The following ITGA3 variants were observed in gnomAD, a reference collection of about 807,000 sequenced individuals.
ITGA3 encodes integrin alpha-3.
In ITGA3, 70 loss-of-function variants were observed where a neutral mutation model predicts 131.1. The observed-to-expected ratio is 0.53, with a 90% CI of 0.44 to 0.65. The LOEUF is 0.65. Ranked by LOEUF, ITGA3 falls within the 30% of genes least tolerant of loss-of-function variation. ITGA3 has a pLI of 0.00. For synonymous variants in ITGA3, 537 were observed against 571.6 expected, an observed-to-expected ratio of 0.94 and a Z score of 0.86; for missense variants, 1,098 against 1,388.6, an observed-to-expected ratio of 0.79 and a Z score of 3.33.
Position 50,089,399 on chromosome 17 carries a change from C to A in ITGA3, c.*321C>A. 1.5e-6 allele frequency: 1 copy of A among 688,710 alleles called. No homozygotes were observed. The highest frequency in any genetic ancestry group is 2.5e-6 in the Non-Finnish European group (1 of 405,604). The allele number at this position is 688,710 out of a possible 1,614,324, so 42.7% of individuals were successfully genotyped here. On this transcript the variant is annotated 3_prime_UTR_variant, in exon 26 of 26. Coordinates refer to ENST00000320031, the MANE Select transcript of ITGA3 (RefSeq NM_002204.4). ...GCAGGCTCAGGCACATACACCTCGT[C>A]AAGAGCATGCACATGCTGTCTGGCC...
At position 50,068,243 on chromosome 17, in the gene ITGA3, C is replaced by G; in HGVS notation, c.602C>G (p.Thr201Ser). The change falls in exon 4 of 26, where the codon ACC (threonine) becomes AGC (serine). Residue 201 changes from threonine to serine, a missense_variant. This residue lies in a region of ITGA3 where 356 missense variants were observed against 529.2 expected (regional missense o/e 0.67). Transcript: ENST00000320031. ...GAGACGGGCATGTGCCAGCTGGGCA[C>G]CAGCGGTGGCTTCACCCAGAACACT... ...YLETGMCQLG[T>S]SGGFTQNTVY... The G allele has an allele frequency of 6.2e-7, 1 of 1,613,942 alleles. No homozygotes were observed. The highest frequency in any genetic ancestry group is 8.5e-7 in the Non-Finnish European group (1 of 1,180,028).
rs1907848594 is a variant in ITGA3, at chr17:50,056,788, G to A, written c.206+143G>A. 3.7e-6 allele frequency: 3 copies of A among 809,488 alleles called. No individual in the cohort carries two copies. The highest frequency in any genetic ancestry group is 1.8e-5 in the South Asian group (1 of 55,922). 50.1% of individuals were successfully genotyped at this position (809,488 alleles called of 1,614,324 possible). A position where few individuals can be genotyped will look rare whatever the true frequency, so the allele number is the denominator to read the frequency against. On this transcript the variant is annotated intron_variant, in intron 1 of 25. Transcript: ENST00000320031. This position sits in a 1 kb window ranked among gnomAD's most constrained non-coding sequence, Gnocchi z 5.6. ...GGCCCTCTGGCTGCTGGGGGTTGGC[G>A]GGAAGTGGAGGATTGGGTGTGGGGT...
chr17:50,087,596 G>A lies in ITGA3; in HGVS notation c.2920-148G>A, dbSNP rs1403112576. On this transcript the variant is annotated intron_variant, in intron 23 of 25. Transcript: ENST00000320031. ...AAGGACCACTGGACCTGCTGTCAGT[G>A]GGGCAGGCACAGGCTTTTTCCAGTC... 11 of 807,290 alleles carry A rather than the reference G, an allele frequency of 1.4e-5. No homozygotes were observed. In the East Asian group the frequency reaches 2.3e-4, roughly 17 times the overall value. The allele number at this position is 807,290 out of a possible 1,614,324, so 50.0% of individuals were successfully genotyped here.
At position 50,073,950 on chromosome 17, in the gene ITGA3, C is replaced by T; in HGVS notation, c.1191C>T (p.Gly397=). Residue 397 remains glycine (G), a synonymous_variant, in exon 8 of 26, where the codon GGC becomes GGT. Transcript: ENST00000320031. ...TGGGAGCTCCGTTTGAAGGCTTGGGCAAAGTGTACATCTATCACAGTAGCT... is the reference window on the plus strand; with the variant it reads ...TGGGAGCTCCGTTTGAAGGCTTGGGTAAAGTGTACATCTATCACAGTAGCT... The part of the protein sequence containing the change: ...IAVGAPFEGL[G]KVYIYHSSSK... 6.2e-7 allele frequency: 1 copy of T among 1,614,114 alleles called. No homozygotes were observed. Among genetic ancestry groups the T allele is most frequent in the Non-Finnish European group, 8.5e-7 (1 of 1,179,976 alleles).
In ITGA3 at chr17:50,078,195, T is replaced by C. The variant is rs773172331; in HGVS notation, c.2220-12T>C. On this transcript the variant is annotated splice_polypyrimidine_tract_variant and intron_variant, in intron 17 of 25. Transcript: ENST00000320031. ...TTGGATCACCTTCCTAACCCCTGCA[T>C]TTCCTCCCAAGGTCGAGTCACCAGG... 2.4e-5 allele frequency: 39 copies of C among 1,613,776 alleles called. No individual in the cohort carries two copies. In the South Asian group the frequency reaches 4.1e-4, roughly 17 times the overall value.
intron 4 of ITGA3, among the ~76,000 whole-genome samples, chr17:50,069,111 G>A (rs924677426): frequency 6.6e-6 from 1 of 152,006 alleles, no homozygotes; most frequent in African/African-American, 2.4e-5. Context: ...GTCTCCCAAA[G>A]TACTGGGATT....
chr17:50,064,632 C>T lies in ITGA3; in HGVS notation c.414+25C>T, dbSNP rs1429937403. The stretch of plus-strand genomic sequence containing the variant: ...GGTAAGTGGGTGCTCAGTGTTGGCT[C>T]CTCCACCTCTACCCGGCTCTCCCCT... On this transcript the variant is annotated intron_variant, in intron 3 of 25. Coordinates refer to ENST00000320031, the MANE Select transcript of ITGA3 (RefSeq NM_002204.4). This position sits in a 1 kb window ranked among gnomAD's most constrained non-coding sequence, Gnocchi z 4.4. The T allele has an allele frequency of 1.3e-6, 2 of 1,593,110 alleles. No homozygotes were observed. Among genetic ancestry groups the T allele is most frequent in the Non-Finnish European group, 1.7e-6 (2 of 1,166,738 alleles).
chr17:50,081,369 C>T lies in ITGA3; in HGVS notation c.2880C>T (p.Thr960=). 1 of 1,589,748 alleles carries T rather than the reference C, an allele frequency of 6.3e-7. No individual in the cohort carries two copies. The highest frequency in any genetic ancestry group is 8.6e-7 in the Non-Finnish European group (1 of 1,166,470). Reference sequence around the variant, plus strand: ...GCTGGGCTACCCTATTCCTCCGAACCAGCATCCCCACCATCAACATGGAGA... The same window carrying T: ...GCTGGGCTACCCTATTCCTCCGAACTAGCATCCCCACCATCAACATGGAGA... ...VNGWATLFLR[T]SIPTINMENK... The change falls in exon 23 of 26, where the codon ACC becomes ACT. Residue 960 remains threonine (T), a synonymous_variant. Coordinates refer to ENST00000320031, the MANE Select transcript of ITGA3 (RefSeq NM_002204.4).
chr17:50,085,727 T>A (rs945445669), intron 23 of ITGA3, among the ~76,000 whole-genome samples: 4 of 120,290 alleles, frequency 3.3e-5, no homozygotes, highest in Admixed American at 8.1e-5. Flanking sequence ...ATTTATAATA[T>A]ATATTAGATT....
Position 50,056,702 on chromosome 17 carries a change from C to G in ITGA3, c.206+57C>G. ...CGAGAGAGTGTGCGAGCGCGGGATG[C>G]GGGTCCGGAGCTGAGTCGGAGCCCA... is the stretch of plus-strand genomic sequence containing the variant. On this transcript the variant is annotated intron_variant, in intron 1 of 25. Transcript: ENST00000320031. This position sits in a 1 kb window ranked among gnomAD's most constrained non-coding sequence, Gnocchi z 5.6. 1 of 1,515,026 alleles carries G rather than the reference C, an allele frequency of 6.6e-7. No individual in the cohort carries two copies. Among genetic ancestry groups the G allele is most frequent in the Admixed American group, 1.9e-5 (1 of 51,572 alleles). 93.8% of individuals were successfully genotyped at this position (1,515,026 alleles called of 1,614,324 possible).
intron 16 of ITGA3, 125 bp downstream of exon 16, chr17:50,077,572 G>A (rs930003209): frequency 1.7e-5 from 13 of 754,974 alleles, no homozygotes; most frequent in Admixed American, 1.1e-4. Flanking sequence ...GCCACAGTGC[G>A]GGAGGAGAGA....
At chr17:50,071,618 G>C in intron 6 of ITGA3, 100 bp downstream of exon 6, 1 of 1,130,440 alleles carries the variant, frequency 8.8e-7, no homozygotes, top group South Asian at 1.5e-5. Flanking sequence ...CAGTTGTGCG[G>C]CTGTCTGCAT....
chr17:50,059,251 C>T (rs1567695423), intron 1 of ITGA3, among the ~76,000 whole-genome samples: 1 of 152,178 alleles, frequency 6.6e-6, no homozygotes, highest in South Asian at 2.1e-4. Context: ...AGGGACTGTT[C>T]TCTGGGAGGT....
In ITGA3 at chr17:50,078,122, C is replaced by A; in HGVS notation, c.2216C>A (p.Ser739Tyr). 1 of 1,613,646 alleles carries A rather than the reference C, an allele frequency of 6.2e-7. No individual in the cohort carries two copies. Among genetic ancestry groups the A allele is most frequent in the Non-Finnish European group, 8.5e-7 (1 of 1,179,618 alleles). Residue 739 changes from serine (S) to tyrosine (Y), a missense_variant, in exon 17 of 26, where the codon TCC becomes TAC. Physicochemically the swap from Ser to Tyr is moderately radical, Grantham distance 144. Coordinates refer to ENST00000320031, the MANE Select transcript of ITGA3 (RefSeq NM_002204.4). Reference sequence around the variant, plus strand: ...GACCTTCAGGTGCAGCTGCAGCTCTCCACGTGAGTGACCTCGAAAAGCCAG... The same window carrying A: ...GACCTTCAGGTGCAGCTGCAGCTCTACACGTGAGTGACCTCGAAAAGCCAG... ...TRDLQVQLQLSTSSHQDNLWP... is the reference protein window; with the variant it reads ...TRDLQVQLQLYTSSHQDNLWP...
At position 50,076,653 on chromosome 17, in the gene ITGA3, G is replaced by C; in HGVS notation, c.1894G>C (p.Val632Leu). 4 of 1,613,604 alleles carry C rather than the reference G, an allele frequency of 2.5e-6. No homozygotes were observed. Among genetic ancestry groups the C allele is most frequent in the Non-Finnish European group, 3.4e-6 (4 of 1,179,902 alleles). Reference protein sequence around the residue: ...ESNLQMRAAFVSEQQQKLSRL... With the variant: ...ESNLQMRAAFLSEQQQKLSRL... ...CAACTTGCAGATGCGGGCAGCCTTC[G>C]TGTCAGAGCAGCAGCAGAAGCTGAG... is the stretch of plus-strand genomic sequence containing the variant. The change falls in exon 14 of 26, where the codon GTG (valine) becomes CTG (leucine). Residue 632 changes from valine (V) to leucine (L), a missense_variant. Around this residue, in one of 3 missense-constraint regions of ITGA3, gnomAD observed 699 missense variants for 829.2 expected, o/e 0.84. Transcript: ENST00000320031.
Position 50,079,461 on chromosome 17 carries a change from A to G in ITGA3, c.2610A>G (p.Pro870=). The part of the protein sequence containing the change: ...LSDPGDRPSS[P]QRRRRQLDPG... ...ACCCTGGGGACAGGCCATCATCCCC[A>G]CAGCGCAGGCGGCGACAGCTGGATC... The change falls in exon 21 of 26, where the codon CCA becomes CCG. Residue 870 remains proline, a synonymous_variant. Coordinates refer to ENST00000320031, the MANE Select transcript of ITGA3 (RefSeq NM_002204.4). 6.3e-7 allele frequency: 1 copy of G among 1,576,410 alleles called. No individual in the cohort carries two copies. Among genetic ancestry groups the G allele is most frequent in the Non-Finnish European group, 8.6e-7 (1 of 1,162,350 alleles).
chr17:50,056,708 C>T lies in ITGA3; in HGVS notation c.206+63C>T, dbSNP rs1418441283. On this transcript the variant is annotated intron_variant, in intron 1 of 25. Coordinates refer to ENST00000320031, the MANE Select transcript of ITGA3 (RefSeq NM_002204.4). The surrounding 1 kb of genome is among the most constrained non-coding windows in gnomAD (Gnocchi z 5.6). ...AGTGTGCGAGCGCGGGATGCGGGTC[C>T]GGAGCTGAGTCGGAGCCCAGGGCAG... 6.0e-6 allele frequency: 9 copies of T among 1,500,256 alleles called. No individual in the cohort carries two copies. The highest frequency in any genetic ancestry group is 2.0e-5 in the Admixed American group (1 of 51,022). The allele number at this position is 1,500,256 out of a possible 1,614,324, so 92.9% of individuals were successfully genotyped here. A position where few individuals can be genotyped will look rare whatever the true frequency, so the allele number is the denominator to read the frequency against.
At chr17:50,085,457 G>C (rs1259530922) in intron 23 of ITGA3, among the ~76,000 whole-genome samples, 1 of 151,768 alleles carries the variant, frequency 6.6e-6, no homozygotes, top group African/African-American at 2.4e-5. Context: ...TTGAGGTCAG[G>C]AGTTCAAGAC....
rs868017218 is a variant in ITGA3 at position 50,079,257 on chromosome 17, C to T, written c.2582C>T (p.Ser861Phe). The T allele has an allele frequency of 1.2e-6, 2 of 1,613,668 alleles. No homozygotes were observed. The highest frequency in any genetic ancestry group is 1.7e-6 in the Non-Finnish European group (2 of 1,179,760). ...DLINPLNLTL[S>F]DPGDRPSSPQ... ...ATCAACCCTCTCAACCTCACTCTTT[C>T]TGTAAGGACACTATCAGGGATATTT... is the stretch of plus-strand genomic sequence containing the variant. The change falls in exon 20 of 26, where the codon TCT (serine) becomes TTT (phenylalanine). Residue 861 changes from serine to phenylalanine, a missense_variant and splice_region_variant. This residue lies in a region of ITGA3 where 699 missense variants were observed against 829.2 expected (regional missense o/e 0.84). Coordinates refer to ENST00000320031, the MANE Select transcript of ITGA3 (RefSeq NM_002204.4).
Sources: allele counts gnomAD v4.1 joint callset (sites outside exome capture counted in the v4.1 genomes callset), GRCh38; gene constraint gnomAD v4.1.1; regional missense constraint gnomAD v4.1.1; non-coding constraint Gnocchi (gnomAD v3.1); transcripts MANE v1.5; gene names NCBI Gene and HGNC (gene_info 2026-07-23, HGNC 2026-07-21).